Variants in RBFOX1 observed in about 807,000 individuals in gnomAD.
RBFOX1 encodes the protein RNA binding fox-1 homolog 1, also known as RNA binding protein fox-1 homolog 1.
Under a neutral mutation model 57.7 loss-of-function variants are expected in RBFOX1, and 8 were observed. The observed-to-expected ratio is 0.14, with a 90% confidence interval of 0.08 to 0.25. The LOEUF is 0.25. Ranked by LOEUF, RBFOX1 falls within the 10% of genes least tolerant of loss-of-function variation. The pLI is 1.00. For synonymous variants in RBFOX1, 326 were observed against 222.4 expected (o/e 1.47, Z -4.15); for missense variants, 611 against 548.5 (o/e 1.11, Z -1.14).
At chr16:5,330,101 C>G (rs1373597486) in intron 1 of RBFOX1, among the ~76,000 whole-genome samples, 1 of 152,094 alleles carries the variant, frequency 6.6e-6, no homozygotes. Context: ...GGACATTGAT[C>G]TCATTCATGA....
At chr16:6,865,803 G>T (rs1331467916) in intron 3 of RBFOX1, among the ~76,000 whole-genome samples, 3 of 152,100 alleles carry the variant, frequency 2.0e-5, no homozygotes, top group African/African-American at 7.2e-5. Context: ...TTAGATAACA[G>T]TTGCACACGG....
intron 4 of RBFOX1, among the ~76,000 whole-genome samples, chr16:7,481,811 C>G (rs577678774): frequency 4.7e-4 from 71 of 152,282 alleles, no homozygotes; most frequent in African/African-American, 1.6e-3. Flanking sequence ...CACAGCTTAG[C>G]CTAGCCTGCC....
intron 3 of RBFOX1, among the ~76,000 whole-genome samples, chr16:6,829,612 G>GT (rs1442691449): frequency 2.0e-5 from 3 of 151,182 alleles, no homozygotes; most frequent in Non-Finnish European, 1.5e-5. Flanking sequence ...TTTTTCTTTT[G>GT]TTTTTTTAAG....
rs571980993 is a variant in RBFOX1 at position 6,932,917 on chromosome 16, C to T, written c.-15-119140C>T. 2.2e-4 allele frequency among the ~76,000 whole-genome samples: 33 copies of T among 152,292 alleles called. No individual in the cohort carries two copies. In the South Asian group the frequency reaches 6.8e-3, roughly 32 times the overall value. ...ACTCCCATTATGTCTTCCCCCAGCC[C>T]CTGGCAACTACTATTCTCCTTTCTG... On this transcript the variant is annotated intron_variant, in intron 3 of 15. Transcript: ENST00000550418.
chr16:7,307,888 A>G (rs779915032), intron 4 of RBFOX1, among the ~76,000 whole-genome samples: 1 of 152,182 alleles, frequency 6.6e-6, no homozygotes, highest in Non-Finnish European at 1.5e-5. Context: ...TCCTTTCCTG[A>G]GTGGCTTCAT....
intron 1 of RBFOX1, among the ~76,000 whole-genome samples, chr16:6,201,503 G>T (rs73532087): frequency 0.031 from 4,700 of 152,274 alleles, 97 homozygotes; most frequent in Middle Eastern, 0.15. Flanking sequence ...AATGATGGTT[G>T]CCAGAGGCTG....
intron 4 of RBFOX1, among the ~76,000 whole-genome samples, chr16:7,249,459 G>A (rs2094431618): frequency 6.6e-6 from 1 of 152,082 alleles, no homozygotes; most frequent in Non-Finnish European, 1.5e-5. Flanking sequence ...ACATCACCAA[G>A]GAGAAAGCAT....
At chr16:7,546,213 G>A (rs924805991) in intron 5 of RBFOX1, among the ~76,000 whole-genome samples, 4 of 151,944 alleles carry the variant, frequency 2.6e-5, no homozygotes, top group Admixed American at 1.3e-4. Flanking sequence ...AGTAATCCCA[G>A]GTACTTAGGA....
intron 4 of RBFOX1, among the ~76,000 whole-genome samples, chr16:5,869,638 C>G (rs564304154): frequency 1.3e-4 from 20 of 152,202 alleles, no homozygotes; most frequent in African/African-American, 4.3e-4. Flanking sequence ...TTGACCACCT[C>G]GTGATCTGCC....
intron 2 of RBFOX1, among the ~76,000 whole-genome samples, chr16:6,341,507 G>A (rs1370501734): frequency 1.3e-5 from 2 of 152,156 alleles, no homozygotes; most frequent in Non-Finnish European, 2.9e-5. Context: ...GGCTCAGAAT[G>A]TCCTGATATC....
At chr16:7,567,697 C>T (rs1169851283) in intron 5 of RBFOX1, among the ~76,000 whole-genome samples, 1 of 138,158 alleles carries the variant, frequency 7.2e-6, no homozygotes, top group Non-Finnish European at 1.5e-5. Context: ...ATATATATCC[C>T]TATATATAAT....
chr16:7,095,461 C>T (rs1257899195), intron 4 of RBFOX1, among the ~76,000 whole-genome samples: 1 of 152,150 alleles, frequency 6.6e-6, no homozygotes, highest in South Asian at 2.1e-4. Flanking sequence ...CTTAATAGAA[C>T]TCATGACAAA....
chr16:6,568,919 C>A (rs368316937), intron 2 of RBFOX1, among the ~76,000 whole-genome samples: 1 of 152,118 alleles, frequency 6.6e-6, no homozygotes, highest in Non-Finnish European at 1.5e-5. Flanking sequence ...AGTACAGGCA[C>A]GTGCCATTAT....
At chr16:6,853,276 A>G (rs973736354) in intron 3 of RBFOX1, among the ~76,000 whole-genome samples, 1 of 152,066 alleles carries the variant, frequency 6.6e-6, no homozygotes, top group African/African-American at 2.4e-5. Context: ...TGTTGGCTGT[A>G]ATTATTATAT....
At chr16:7,337,787 C>G (rs142924367) in intron 4 of RBFOX1, among the ~76,000 whole-genome samples, 9 of 152,220 alleles carry the variant, frequency 5.9e-5, no homozygotes, top group South Asian at 4.1e-4. Context: ...CAGGTTCAAG[C>G]GATTCTCCTG....
intron 4 of RBFOX1, among the ~76,000 whole-genome samples, chr16:7,427,076 G>C (rs1377663983): frequency 6.6e-6 from 1 of 152,150 alleles, no homozygotes; most frequent in Non-Finnish European, 1.5e-5. Context: ...AGAACACTTG[G>C]ACACAAGGTG....
At chr16:7,546,062 C>G (rs984530223) in intron 5 of RBFOX1, among the ~76,000 whole-genome samples, 1 of 151,380 alleles carries the variant, frequency 6.6e-6, no homozygotes, top group Non-Finnish European at 1.5e-5. Context: ...CACAGTGGCT[C>G]ATGTCAGTAA....
At chr16:6,972,242 A>G (rs987083007) in intron 3 of RBFOX1, among the ~76,000 whole-genome samples, 3 of 151,998 alleles carry the variant, frequency 2.0e-5, no homozygotes, top group Non-Finnish European at 4.4e-5. Flanking sequence ...TTAACTCTGT[A>G]ACTCCCCTTT....
chr16:7,212,011 G>A (rs865980547), intron 4 of RBFOX1, among the ~76,000 whole-genome samples: 1 of 152,032 alleles, frequency 6.6e-6, no homozygotes, highest in African/African-American at 2.4e-5. Flanking sequence ...AACCTGCCTT[G>A]CCTGGCTGAG....
Sources: gnomAD v4.1 joint callset for allele counts (sites outside exome capture counted in the v4.1 genomes callset) on GRCh38, gnomAD v4.1.1 for gene constraint, MANE v1.5 for transcripts, NCBI Gene and HGNC (gene_info 2026-07-23, HGNC 2026-07-21) for gene names.